The following CYBA variants were observed in gnomAD, a reference collection of about 807,000 sequenced individuals.
The protein encoded by CYBA is cytochrome b-245 alpha chain, also known as cytochrome b-245 light chain.
CYBA carries 21 observed loss-of-function variants against 20.8 expected under a neutral mutation model. That is an observed-to-expected ratio of 1.01 (90% CI 0.72 to 1.46). CYBA has a LOEUF of 1.46. Ranked by LOEUF, CYBA falls within the 40% of genes most tolerant of loss-of-function variation. CYBA has a pLI of 0.00. For missense variants in CYBA, 344 were observed against 287.0 expected (o/e 1.20, Z -1.43); for synonymous variants, 164 against 127.5 (o/e 1.29, Z -1.93).
In CYBA at chr16:88,648,089, G is replaced by A. The variant is rs1205342707; in HGVS notation, c.84C>T (p.Ala28=). ...ACCACTGGGTGAAGCGCCCAGCTGT[G>A]GCCACGATGCCCCCGGTGATGAGGA... ...GLILITGGIV[A]TAGRFTQWYF... The change falls in exon 2 of 6, where the codon GCC becomes GCT. Residue 28 remains alanine, a synonymous_variant. Transcript: ENST00000261623. 1 of 1,612,990 alleles carries A rather than the reference G, an allele frequency of 6.2e-7. No homozygotes were observed. The highest frequency in any genetic ancestry group is 1.1e-5 in the South Asian group (1 of 90,878).
intron 4 of CYBA, chr16:88,646,497 ACCC>A (rs1567608969): frequency 2.9e-6 from 2 of 697,564 alleles, no homozygotes; most frequent in East Asian, 5.4e-5. Context: ...CCCAGGCAAG[ACCC>A]CCCAGCAGTG....
intron 2 of CYBA, 184 bp downstream of exon 2, chr16:88,647,861 G>A (rs1174618116): frequency 1.4e-5 from 9 of 650,512 alleles, no homozygotes; most frequent in African/African-American, 3.6e-5. Flanking sequence ...GCCGCTGATC[G>A]CCACATGGTC....
At position 88,646,117 on chromosome 16, in the gene CYBA, AGTAG is replaced by A; in HGVS notation, c.364_367del (p.Leu122TrpfsTer68). 1.3e-6 allele frequency: 2 copies of A among 1,552,570 alleles called. No individual in the cohort carries two copies. The highest frequency in any genetic ancestry group is 1.7e-6 in the Non-Finnish European group (2 of 1,149,636). On this transcript the variant is annotated frameshift_variant and splice_region_variant, in exon 5 of 6. Transcript: ENST00000261623. LOFTEE classifies it high-confidence loss of function. Reference sequence around the variant, plus strand: ...CCGACCTCAGAGGGCGCCACTCACCAGTAGGTAGATGCCGCTCGCAATGGCCAGG... The same window carrying A: ...CCGACCTCAGAGGGCGCCACTCACCAGTAGATGCCGCTCGCAATGGCCAGG...
In CYBA at chr16:88,643,611, GCCCT is replaced by G. The variant is rs751984921; in HGVS notation, c.370-44_370-41del. The G allele has an allele frequency of 7.3e-4, 912 of 1,242,662 alleles. 1 individual carries two copies. The East Asian group carries it at 9.7e-3, about 13-fold the overall frequency. The allele number at this position is 1,242,662 out of a possible 1,614,324, so 77.0% of individuals were successfully genotyped here. A position where few individuals can be genotyped will look rare whatever the true frequency, so the allele number is the denominator to read the frequency against. On this transcript the variant is annotated intron_variant, in intron 5 of 5. Transcript: ENST00000261623. This position sits in a 1 kb window ranked among gnomAD's most constrained non-coding sequence, Gnocchi z 4.3. The stretch of plus-strand genomic sequence containing the variant: ...AGGGTTGAGCCGCGCCCCAGCGCCC[GCCCT>G]CCCTCCCTCCCTCCCTCCCCGGAGG...
At position 88,646,749 on chromosome 16, in the gene CYBA, A is replaced by G; in HGVS notation, c.287+6T>C. The G allele has an allele frequency of 1.2e-6, 2 of 1,612,262 alleles. No homozygotes were observed. Among genetic ancestry groups the G allele is most frequent in the Admixed American group, 1.7e-5 (1 of 60,010 alleles). ...GCCCTAGAGGGGGTGCGGGACGGGG[A>G]CTCACAGGAGATGCAGGACGGCCCG... On this transcript the variant is annotated splice_donor_region_variant and intron_variant, in intron 4 of 5. Coordinates refer to ENST00000261623, the MANE Select transcript of CYBA (RefSeq NM_000101.4).
intron 4 of CYBA, 140 bp downstream of exon 4, chr16:88,646,615 A>G (rs766955444): frequency 2.5e-6 from 2 of 784,528 alleles, no homozygotes. Context: ...TGCCAGAGCC[A>G]GGGACCCGAA....
intron 5 of CYBA, chr16:88,645,183 C>T (rs1298710541): frequency 5.7e-6 from 4 of 702,304 alleles, no homozygotes; most frequent in Non-Finnish European, 1.0e-5. Context: ...TGCGTGGCAG[C>T]AGGGAGACGG....
intron 1 of CYBA, among the ~76,000 whole-genome samples, chr16:88,649,399 C>T (rs72563771): frequency 0.017 from 2,561 of 152,274 alleles, 84 homozygotes; most frequent in African/African-American, 0.058. Context: ...CTTTGGGGAC[C>T]GTCCTGGTCC....
intron 5 of CYBA, among the ~76,000 whole-genome samples, chr16:88,644,193 T>C (rs1185035425): frequency 6.6e-6 from 1 of 152,220 alleles, no homozygotes; most frequent in African/African-American, 2.4e-5. Context: ...TGGAAAAATA[T>C]GTCACATCAT....
At chr16:88,647,215 A>T (rs1907323452) in intron 2 of CYBA, 40 bp from the exon 3 acceptor site, 1 of 1,585,628 alleles carries the variant, frequency 6.3e-7, no homozygotes, top group African/African-American at 1.3e-5. Context: ...GCTCAGCCTG[A>T]GGGGCCACAG....
chr16:88,649,764 A>G (rs528640586), intron 1 of CYBA, among the ~76,000 whole-genome samples: 17 of 152,320 alleles, frequency 1.1e-4, no homozygotes, highest in Admixed American at 1.3e-4. Context: ...CGGGCAGTGC[A>G]GGGCGTCCAG....
Position 88,650,861 on chromosome 16 carries a change from C to A in CYBA, c.58+95G>T. 4 of 1,374,324 alleles carry A rather than the reference C, an allele frequency of 2.9e-6. No individual in the cohort carries two copies. In the South Asian group the frequency reaches 5.0e-5, roughly 17 times the overall value. 85.1% of individuals were successfully genotyped at this position (1,374,324 alleles called of 1,614,324 possible). A position where few individuals can be genotyped will look rare whatever the true frequency, so the allele number is the denominator to read the frequency against. ...GGCCCGGCCTGGCCCGCCTGGCGCC[C>A]CACTTCCCCACCCTGTAAGTAGCCC... is the stretch of plus-strand genomic sequence containing the variant. On this transcript the variant is annotated intron_variant, in intron 1 of 5. Transcript: ENST00000261623.
intron 1 of CYBA, chr16:88,650,634 A>C: frequency 1.9e-5 from 10 of 538,622 alleles, no homozygotes; most frequent in East Asian, 7.6e-5. Flanking sequence ...TGACCCCGGA[A>C]ACCACCGGGG....
intron 1 of CYBA, among the ~76,000 whole-genome samples, chr16:88,649,891 G>A (rs569272734): frequency 6.6e-6 from 1 of 152,198 alleles, no homozygotes; most frequent in Non-Finnish European, 1.5e-5. Flanking sequence ...TTCCTGTAGG[G>A]AGTGCGGGGC....
Position 88,644,227 on chromosome 16 carries a change from A to G in CYBA, c.370-656T>C, listed in dbSNP as rs149703905. Among the ~76,000 whole-genome samples, 747 of 152,304 alleles carry G rather than the reference A, an allele frequency of 4.9e-3. 2 individuals carry two copies. Among genetic ancestry groups the G allele is most frequent in the Non-Finnish European group, 7.7e-3 (526 of 68,022 alleles). ...ATATACGTCATGAACAGAAAGAGAA[A>G]CTGGACATGTGTGATCCTACCTGAC... On this transcript the variant is annotated intron_variant, in intron 5 of 5. Coordinates refer to ENST00000261623, the MANE Select transcript of CYBA (RefSeq NM_000101.4).
intron 5 of CYBA, among the ~76,000 whole-genome samples, chr16:88,644,191 T>C (rs184325427): frequency 1.3e-5 from 2 of 152,160 alleles, no homozygotes; most frequent in East Asian, 3.9e-4. Flanking sequence ...GGTGGAAAAA[T>C]ATGTCACATC....
Position 88,643,773 on chromosome 16 carries a change from C to G in CYBA, c.370-202G>C, listed in dbSNP as rs1409328736. 6.6e-6 allele frequency among the ~76,000 whole-genome samples: 1 copy of G among 152,240 alleles called. No individual in the cohort carries two copies. The highest frequency in any genetic ancestry group is 1.5e-5 in the Non-Finnish European group (1 of 68,038). On this transcript the variant is annotated intron_variant, in intron 5 of 5. Coordinates refer to ENST00000261623, the MANE Select transcript of CYBA (RefSeq NM_000101.4). The surrounding 1 kb of genome is among the most constrained non-coding windows in gnomAD (Gnocchi z 4.3). The stretch of plus-strand genomic sequence containing the variant: ...GACCTGGGTCGGCCTGACACCAGCC[C>G]AAGCTATTTCTTCATGCCAGGAGTG...
At chr16:88,644,730 C>G (rs1320488690) in intron 5 of CYBA, 2 of 191,472 alleles carry the variant, frequency 1.0e-5, no homozygotes, top group Non-Finnish European at 2.2e-5. Flanking sequence ...GAGGCTGAGG[C>G]AGGAGAATTG....
intron 5 of CYBA, 150 bp downstream of exon 5, chr16:88,645,966 C>T (rs915397800): frequency 1.6e-4 from 110 of 679,764 alleles, no homozygotes; most frequent in African/African-American, 7.1e-5. Flanking sequence ...GCGTCCCCGC[C>T]GTGCTGTGAG....
Sources: allele counts gnomAD v4.1 joint callset (sites outside exome capture counted in the v4.1 genomes callset), GRCh38; gene constraint gnomAD v4.1.1; non-coding constraint Gnocchi (gnomAD v3.1); transcripts MANE v1.5; gene names NCBI Gene and HGNC (gene_info 2026-07-23, HGNC 2026-07-21).